Variants in SCYL2 observed in about 807,000 individuals in gnomAD.
SCYL2 encodes SCY1-like protein 2.
A neutral mutation model predicts 100.4 loss-of-function variants in SCYL2; 36 were observed. That is an observed-to-expected ratio of 0.36 (90% confidence interval 0.27 to 0.47). The LOEUF is 0.47. Among genes scored for constraint, SCYL2 ranks in the 20% least tolerant of loss-of-function variants. SCYL2 has a pLI of 1.00. For missense variants in SCYL2, 902 were observed against 1,083.9 expected (o/e 0.83, Z 2.36); for synonymous variants, 330 against 359.2 (o/e 0.92, Z 0.92).
At chr12:100,323,483 T>G in intron 10 of SCYL2, 42 bp from the exon 11 acceptor site, 32 of 1,155,390 alleles carry the variant, frequency 2.8e-5, no homozygotes, top group Middle Eastern at 4.4e-4. Context: ...AGAGAAAAGA[T>G]GAGTCTTTCC....
At chr12:100,337,341 G>T (rs1007920993) in intron 16 of SCYL2, 46 bp from the exon 17 acceptor site, 1 of 1,595,766 alleles carries the variant, frequency 6.3e-7, no homozygotes, top group Middle Eastern at 1.7e-4. Context: ...TTTACAAATG[G>T]ACTTAATAAA....
intron 3 of SCYL2, among the ~76,000 whole-genome samples, chr12:100,296,179 T>C (rs1219215793): frequency 1.3e-5 from 2 of 152,236 alleles, no homozygotes; most frequent in African/African-American, 4.8e-5. Flanking sequence ...TACTTTAAGA[T>C]GTCCTAATTG....
chr12:100,323,327 C>A (rs1178169713), intron 10 of SCYL2, among the ~76,000 whole-genome samples, 198 bp from the exon 11 acceptor site: 1 of 152,022 alleles, frequency 6.6e-6, no homozygotes, highest in African/African-American at 2.4e-5. Flanking sequence ...GTCTTCTGAG[C>A]TTTTTTTCTC....
At chr12:100,273,575 A>G (rs1488838438) in intron 1 of SCYL2, among the ~76,000 whole-genome samples, 1 of 152,202 alleles carries the variant, frequency 6.6e-6, no homozygotes, top group African/African-American at 2.4e-5. Flanking sequence ...TACGTACATC[A>G]GTGTTGACTC....
chr12:100,335,059 T>C (rs1368458832), intron 14 of SCYL2, among the ~76,000 whole-genome samples: 1 of 152,042 alleles, frequency 6.6e-6, no homozygotes, highest in African/African-American at 2.4e-5. Flanking sequence ...TTCTATAGTG[T>C]GTATGTATGT....
intron 13 of SCYL2, among the ~76,000 whole-genome samples, chr12:100,331,963 A>AC: frequency 6.6e-6 from 1 of 152,232 alleles, no homozygotes; most frequent in Middle Eastern, 3.4e-3. Flanking sequence ...TTCTAAGACC[A>AC]CCCCCAGAAT....
chr12:100,333,078 AT>A (rs1418413348), intron 13 of SCYL2, among the ~76,000 whole-genome samples: 472 of 142,756 alleles, frequency 3.3e-3, no homozygotes, highest in East Asian at 4.3e-3. Flanking sequence ...TGAATTGTGA[AT>A]TTTTTTTTTT....
In SCYL2 at chr12:100,314,566, A is replaced by C; in HGVS notation, c.1047A>C (p.Lys349Asn). The C allele has an allele frequency of 6.2e-7, 1 of 1,603,440 alleles. No individual in the cohort carries two copies. Among genetic ancestry groups the C allele is most frequent in the Non-Finnish European group, 8.5e-7 (1 of 1,176,684 alleles). Residue 349 changes from lysine (K) to asparagine (N), a missense_variant, in exon 8 of 18, where the codon AAA (lysine) becomes AAC (asparagine). Physicochemically the swap from Lys to Asn is moderately conservative, Grantham distance 94. Coordinates refer to ENST00000360820, the MANE Select transcript of SCYL2 (RefSeq NM_017988.6). The stretch of plus-strand genomic sequence containing the variant: ...TATTCCAAAGAGATAATCTTCAGAA[A>C]TCACAGTTTTTCAAAGGACTGCCAA... ...DTLFQRDNLQ[K>N]SQFFKGLPKV...
intron 12 of SCYL2, 125 bp from the exon 13 acceptor site, chr12:100,329,076 G>A (rs1326306418): frequency 1.8e-6 from 1 of 564,450 alleles, no homozygotes; most frequent in East Asian, 2.8e-5. Context: ...ATTATTCTAG[G>A]CATTGATTGG....
intron 4 of SCYL2, among the ~76,000 whole-genome samples, chr12:100,303,407 G>A (rs2096330125): frequency 1.3e-5 from 2 of 152,144 alleles, no homozygotes; most frequent in South Asian, 4.1e-4. Context: ...GGTCTTTGAT[G>A]TCGGTGACTT....
At chr12:100,290,285 A>G (rs2096309044) in intron 2 of SCYL2, among the ~76,000 whole-genome samples, 1 of 152,026 alleles carries the variant, frequency 6.6e-6, no homozygotes, top group African/African-American at 2.4e-5. Flanking sequence ...CTGTTGTTTT[A>G]TTGTAGTAAA....
Position 100,267,312 on chromosome 12 carries a change from G to C in SCYL2, c.-509G>C. Reference sequence around the variant, plus strand: ...GCCAGAGTCAGTGGCCAGGCACGAAGGCAGAGCAGGAACAGCCAGGAGGCG... The same window carrying C: ...GCCAGAGTCAGTGGCCAGGCACGAACGCAGAGCAGGAACAGCCAGGAGGCG... On this transcript the variant is annotated 5_prime_UTR_variant, in exon 1 of 18. Coordinates refer to ENST00000360820, the MANE Select transcript of SCYL2 (RefSeq NM_017988.6). 2.1e-6 allele frequency: 1 copy of C among 487,706 alleles called. No homozygotes were observed. Among genetic ancestry groups the C allele is most frequent in the Non-Finnish European group, 3.6e-6 (1 of 274,148 alleles). The allele number at this position is 487,706 out of a possible 1,614,324, so 30.2% of individuals were successfully genotyped here.
intron 3 of SCYL2, chr12:100,292,094 C>T (rs1421753502): frequency 6.5e-6 from 1 of 153,358 alleles, no homozygotes; most frequent in Non-Finnish European, 1.5e-5. Context: ...GCATGCCAGT[C>T]CATAGCTCTC....
intron 13 of SCYL2, among the ~76,000 whole-genome samples, chr12:100,331,687 C>T (rs75953063): frequency 0.016 from 2,364 of 152,118 alleles, 64 homozygotes; most frequent in African/African-American, 0.054. Context: ...CTATTTTCAT[C>T]AACAAATATT....
At position 100,295,160 on chromosome 12, in the gene SCYL2, C is replaced by T. The variant is rs1028998168; in HGVS notation, c.336-2871C>T. On this transcript the variant is annotated intron_variant, in intron 3 of 17. Transcript: ENST00000360820. ...GGGATGGCGGCAGGGAAGAGGCGCT[C>T]CTCACTTCCTAGATGGGATGGCGGC... is the stretch of plus-strand genomic sequence containing the variant. Among the ~76,000 whole-genome samples, 5 of 151,360 alleles carry T rather than the reference C, an allele frequency of 3.3e-5. No homozygotes were observed. In the East Asian group the frequency reaches 5.9e-4, roughly 18 times the overall value.
At chr12:100,321,023 C>T (rs1165915574) in intron 10 of SCYL2, among the ~76,000 whole-genome samples, 2 of 152,160 alleles carry the variant, frequency 1.3e-5, no homozygotes, top group African/African-American at 2.4e-5. Context: ...TGACCTCCCA[C>T]GCTCTCTCAG....
chr12:100,338,029 G>C (rs1411660312), intron 17 of SCYL2, among the ~76,000 whole-genome samples: 1 of 152,118 alleles, frequency 6.6e-6, no homozygotes, highest in Non-Finnish European at 1.5e-5. Flanking sequence ...TTCAGAGATA[G>C]CTTTATCTTA....
At chr12:100,338,142 G>A (rs568536144) in intron 17 of SCYL2, among the ~76,000 whole-genome samples, 2 of 152,194 alleles carry the variant, frequency 1.3e-5, no homozygotes, top group South Asian at 2.1e-4. Context: ...TATTTTGTAG[G>A]TACTTTTTTA....
chr12:100,339,326 G>T lies in SCYL2; in HGVS notation c.*154G>T. On this transcript the variant is annotated 3_prime_UTR_variant, in exon 18 of 18. Transcript: ENST00000360820. ...CTCTGTCCATGCCAGCATAGTAGTT[G>T]TATGGACTTCTAACCAGTTGAGTTT... The T allele has an allele frequency of 1.3e-6, 1 of 749,196 alleles. No homozygotes were observed. The highest frequency in any genetic ancestry group is 1.9e-5 in the South Asian group (1 of 52,420). The allele number at this position is 749,196 out of a possible 1,614,324, so 46.4% of individuals were successfully genotyped here.
Sources: gnomAD v4.1 joint callset for allele counts (sites outside exome capture counted in the v4.1 genomes callset) on GRCh38, gnomAD v4.1.1 for gene constraint, MANE v1.5 for transcripts, NCBI Gene and HGNC (gene_info 2026-07-23, HGNC 2026-07-21) for gene names.